Variants in UBTF observed in about 807,000 individuals in gnomAD.
UBTF encodes upstream binding transcription factor, also known as nucleolar transcription factor 1.
A neutral mutation model predicts 112.3 loss-of-function variants in UBTF; 8 were observed. That is an observed-to-expected ratio of 0.07 (90% CI 0.04 to 0.13). The LOEUF is 0.13. Among genes scored for constraint, UBTF ranks in the 10% least tolerant of loss-of-function variants. The pLI, the probability that UBTF is intolerant of heterozygous loss-of-function variation, is 1.00. For synonymous variants in UBTF, 417 were observed against 373.1 expected, an observed-to-expected ratio of 1.12 and a Z score of -1.36; for missense variants, 457 against 982.1, an observed-to-expected ratio of 0.47 and a Z score of 7.15.
In UBTF at chr17:44,218,240, TCCAG is replaced by T. The variant is rs761699960; in HGVS notation, c.-15_-12del. ...GGCTTCTCCGTTCATCCTCCAGCTG[TCCAG>T]CCACCTCCTCGGTCGTGCTGGCCGG... On this transcript the variant is annotated 5_prime_UTR_variant, in exon 2 of 21. Coordinates refer to ENST00000436088, the MANE Select transcript of UBTF (RefSeq NM_014233.4). 3.1e-6 allele frequency: 5 copies of T among 1,611,602 alleles called. No homozygotes were observed. The highest frequency in any genetic ancestry group is 4.2e-6 in the Non-Finnish European group (5 of 1,179,530).
chr17:44,212,462 C>G lies in UBTF; in HGVS notation c.661-8G>C. On this transcript the variant is annotated splice_region_variant and splice_polypyrimidine_tract_variant and intron_variant, in intron 7 of 20. Transcript: ENST00000436088. ...CACCTCCTTCGTAGTGGCCTGCAAACCAAAAGCCGTCAGACACGCACAGGC... is the reference window on the plus strand; with the variant it reads ...CACCTCCTTCGTAGTGGCCTGCAAAGCAAAAGCCGTCAGACACGCACAGGC... 1 of 1,565,266 alleles carries G rather than the reference C, an allele frequency of 6.4e-7. No homozygotes were observed. The highest frequency in any genetic ancestry group is 8.7e-7 in the Non-Finnish European group (1 of 1,149,816).
chr17:44,216,803 C>T, intron 2 of UBTF, 99 bp from the exon 3 acceptor site: 2 of 1,235,854 alleles, frequency 1.6e-6, no homozygotes, highest in Non-Finnish European at 2.3e-6. Flanking sequence ...CTAGGGCATC[C>T]CAGCCCCTGG....
rs1442140975 is a variant in UBTF, at chr17:44,205,511, AAAGG to A, written c.*1727_*1730del. The stretch of plus-strand genomic sequence containing the variant: ...CTGTACTTAATTCCAGGATTAGGAC[AAAGG>A]AAGGGGAATGGGAGTGGGGAGTGTC... On this transcript the variant is annotated 3_prime_UTR_variant, in exon 21 of 21. Transcript: ENST00000436088. 2 of 152,276 alleles carry A rather than the reference AAAGG, an allele frequency of 1.3e-5. No homozygotes were observed. The highest frequency in any genetic ancestry group is 4.8e-5 in the African/African-American group (2 of 41,460). 9.4% of individuals were successfully genotyped at this position (152,276 alleles called of 1,614,324 possible).
upstream of UBTF, among the ~76,000 whole-genome samples, chr17:44,220,163 C>G (rs1362712043): frequency 6.6e-6 from 1 of 151,502 alleles, no homozygotes; most frequent in Non-Finnish European, 1.5e-5. Context: ...GGCGGGCGGG[C>G]GCCGAGAGCG....
intron 3 of UBTF, chr17:44,216,266 C>T: frequency 1.7e-6 from 1 of 604,802 alleles, no homozygotes; most frequent in South Asian, 2.0e-5. Flanking sequence ...CTCCGTCAAT[C>T]TCAGCATGCT....
Position 44,211,445 on chromosome 17 carries a change from C to T in UBTF, c.1048-114G>A. 1.3e-6 allele frequency: 2 copies of T among 1,567,906 alleles called. No individual in the cohort carries two copies. The highest frequency in any genetic ancestry group is 1.7e-6 in the Non-Finnish European group (2 of 1,144,262). The stretch of plus-strand genomic sequence containing the variant: ...CTCCAGAGCCTGGGTGTGGGCTGGA[C>T]TCCCTGCCTGGACGGGCTCAGTTGC... On this transcript the variant is annotated intron_variant, in intron 10 of 20. Transcript: ENST00000436088. This position sits in a 1 kb window ranked among gnomAD's most constrained non-coding sequence, Gnocchi z 4.9.
intron 2 of UBTF, among the ~76,000 whole-genome samples, chr17:44,217,155 G>T (rs550736178): frequency 6.6e-6 from 1 of 152,164 alleles, no homozygotes; most frequent in Non-Finnish European, 1.5e-5. Flanking sequence ...AATGTGCAAC[G>T]ACTGAGAATG....
At chr17:44,220,010 G>A (rs571190027), upstream of UBTF, among the ~76,000 whole-genome samples, 1,437 of 148,644 alleles carry the variant, frequency 9.7e-3, 13 homozygotes, top group Non-Finnish European at 0.014. Flanking sequence ...AGGGAAGGAA[G>A]GAGGGGAGGG....
intron 15 of UBTF, 28 bp from the exon 16 acceptor site, chr17:44,209,761 C>G (rs746502627): frequency 2.3e-5 from 37 of 1,606,606 alleles, no homozygotes; most frequent in African/African-American, 4.0e-5. Flanking sequence ...ACGCTCACCC[C>G]CCAGTCCCAC....
chr17:44,212,989 G>C, intron 6 of UBTF, 50 bp from the exon 7 acceptor site: 13 of 1,601,344 alleles, frequency 8.1e-6, no homozygotes, highest in Non-Finnish European at 1.1e-5. Flanking sequence ...TGCCAGGGCA[G>C]ACTCAAGCTA....
intron 5 of UBTF, 28 bp from the exon 6 acceptor site, chr17:44,213,310 CA>C: frequency 6.2e-7 from 1 of 1,608,392 alleles, no homozygotes; most frequent in Non-Finnish European, 8.5e-7. Flanking sequence ...TGGGGTCACT[CA>C]GGACCCAAGG....
At chr17:44,217,984 C>T (rs1444167043) in intron 2 of UBTF, among the ~76,000 whole-genome samples, 188 bp downstream of exon 2, 1 of 152,194 alleles carries the variant, frequency 6.6e-6, no homozygotes, top group Admixed American at 6.5e-5. Flanking sequence ...TGAGCCACTC[C>T]AGGCCAAATA....
rs758734956 is a variant in UBTF, at chr17:44,212,898, T to A, written c.581A>T (p.Asp194Val). The A allele has an allele frequency of 6.2e-7, 1 of 1,614,088 alleles. No individual in the cohort carries two copies. Among genetic ancestry groups the A allele is most frequent in the South Asian group, 1.1e-5 (1 of 91,084 alleles). Residue 194 changes from aspartate (D) to valine (V), a missense_variant, in exon 7 of 21, where the codon GAC (aspartate) becomes GTC (valine). Physicochemically the swap from Asp to Val is radical, Grantham distance 152. Transcript: ENST00000436088. ...GGGGGTTTTGGGCTTCTCTGGGATGTCCGATTTCTTGGCATTCTGGATTAG... is the reference window on the plus strand; with the variant it reads ...GGGGGTTTTGGGCTTCTCTGGGATGACCGATTTCTTGGCATTCTGGATTAG... ...PDLIQNAKKSDIPEKPKTPQQ... is the reference protein window; with the variant it reads ...PDLIQNAKKSVIPEKPKTPQQ...
Position 44,207,270 on chromosome 17 carries a change from C to T in UBTF, c.2267G>A (p.Gly756Glu). ...EGSSSSSSSS[G>E]DSSDSDSN The stretch of plus-strand genomic sequence containing the variant: ...GTTGGAGTCAGAGTCTGAGGAGTCC[C>T]CTGAGGAGGAGGAGCTGGAGCTGCT... The change falls in exon 21 of 21, where the codon GGG (glycine) becomes GAG (glutamate). Residue 756 changes from glycine to glutamate, a missense_variant. Gly to Glu is a moderately conservative substitution (Grantham distance 98). This residue lies in a region of UBTF where 139 missense variants were observed against 157.5 expected (regional missense o/e 0.88). Transcript: ENST00000436088. The T allele has an allele frequency of 6.2e-7, 1 of 1,613,510 alleles. No homozygotes were observed. Among genetic ancestry groups the T allele is most frequent in the South Asian group, 1.1e-5 (1 of 90,898 alleles).
intron 3 of UBTF, 56 bp from the exon 4 acceptor site, chr17:44,216,045 G>A (rs2046827944): frequency 1.5e-6 from 2 of 1,359,396 alleles, no homozygotes; most frequent in African/African-American, 1.4e-5. Flanking sequence ...ATGCCACACA[G>A]TAGTATACCC....
Position 44,218,309 on chromosome 17 carries a change from T to A in UBTF, c.-67-13A>T. ...AAGCCACCTCACCCTTTGGAAGACA[T>A]ACCAGTTCCCACTCAGGAAGGCTGA... On this transcript the variant is annotated splice_polypyrimidine_tract_variant and intron_variant, in intron 1 of 20. Coordinates refer to ENST00000436088, the MANE Select transcript of UBTF (RefSeq NM_014233.4). 3.3e-6 allele frequency: 5 copies of A among 1,497,966 alleles called. No individual in the cohort carries two copies. Among genetic ancestry groups the A allele is most frequent in the Non-Finnish European group, 4.6e-6 (5 of 1,089,110 alleles). 92.8% of individuals were successfully genotyped at this position (1,497,966 alleles called of 1,614,324 possible). A position where few individuals can be genotyped will look rare whatever the true frequency, so the allele number is the denominator to read the frequency against.
rs747000116 is a variant in UBTF at position 44,212,471 on chromosome 17, G to A, written c.661-17C>T. On this transcript the variant is annotated splice_polypyrimidine_tract_variant and intron_variant, in intron 7 of 20. Coordinates refer to ENST00000436088, the MANE Select transcript of UBTF (RefSeq NM_014233.4). The stretch of plus-strand genomic sequence containing the variant: ...CGTAGTGGCCTGCAAACCAAAAGCC[G>A]TCAGACACGCACAGGCAGCCAGGGG... The A allele has an allele frequency of 6.1e-6, 8 of 1,310,238 alleles. No homozygotes were observed. Among genetic ancestry groups the A allele is most frequent in the South Asian group, 2.3e-5 (2 of 86,404 alleles). The allele number at this position is 1,310,238 out of a possible 1,614,324, so 81.2% of individuals were successfully genotyped here. A position where few individuals can be genotyped will look rare whatever the true frequency, so the allele number is the denominator to read the frequency against.
intron 5 of UBTF, among the ~76,000 whole-genome samples, chr17:44,214,369 G>A (rs1440375942): frequency 3.9e-5 from 6 of 152,176 alleles, no homozygotes; most frequent in African/African-American, 1.4e-4. Context: ...TAAAGACCAG[G>A]CCCACAGAAG....
chr17:44,210,423 C>T lies in UBTF; in HGVS notation c.1410G>A (p.Lys470=), dbSNP rs372990791. 22 of 1,613,904 alleles carry T rather than the reference C, an allele frequency of 1.4e-5. No individual in the cohort carries two copies. The East Asian group carries it at 2.0e-4, about 15-fold the overall frequency. Residue 470 remains lysine, a synonymous_variant, in exon 14 of 21, where the codon AAG becomes AAA. Transcript: ENST00000436088. The part of the protein sequence containing the change: ...EAALKAQSER[K]PGGEREERGK... ...CCCGTTCCTCGCGCTCCCCGCCGGG[C>T]TTCCTCTCCGACTGAGCCTTGAGCG...
Sources: allele counts gnomAD v4.1 joint callset (sites outside exome capture counted in the v4.1 genomes callset), GRCh38; gene constraint gnomAD v4.1.1; regional missense constraint gnomAD v4.1.1; non-coding constraint Gnocchi (gnomAD v3.1); transcripts MANE v1.5; gene names NCBI Gene and HGNC (gene_info 2026-07-23, HGNC 2026-07-21).